The following CKLF variants were observed in gnomAD, a reference collection of about 807,000 sequenced individuals.
The protein encoded by CKLF is chemokine-like factor.
A neutral mutation model predicts 12.9 loss-of-function variants in CKLF; 16 were observed. That is an observed-to-expected ratio of 1.24 (90% CI 0.84 to 1.88). The LOEUF (loss-of-function observed/expected upper bound fraction) is 1.88. CKLF is among the 40% of genes most tolerant of loss of function. The pLI is 0.00. For missense variants in CKLF, 172 were observed against 188.5 expected (o/e 0.91, Z 0.51); for synonymous variants, 61 against 69.0 (o/e 0.88, Z 0.57).
At chr16:66,563,740 C>A (rs753663337) in intron 3 of CKLF, among the ~76,000 whole-genome samples, 1 of 152,144 alleles carries the variant, frequency 6.6e-6, no homozygotes, top group African/African-American at 2.4e-5. Context: ...ATTTTGAACC[C>A]GGCTTGAAGA....
At chr16:66,558,431 T>G in intron 2 of CKLF, 83 bp downstream of exon 2, 1 of 1,520,120 alleles carries the variant, frequency 6.6e-7, no homozygotes, top group Non-Finnish European at 8.8e-7. Flanking sequence ...TTGCTTCTCT[T>G]AAACCTTTAA....
At chr16:66,556,051 T>C (rs997823186) in intron 1 of CKLF, among the ~76,000 whole-genome samples, 2 of 152,102 alleles carry the variant, frequency 1.3e-5, no homozygotes, top group Non-Finnish European at 2.9e-5. Context: ...AATGGCTACT[T>C]GGTGTGAAAT....
intron 3 of CKLF, among the ~76,000 whole-genome samples, chr16:66,564,759 C>T (rs1359999842): frequency 3.3e-5 from 5 of 152,130 alleles, no homozygotes; most frequent in Non-Finnish European, 5.9e-5. Flanking sequence ...CGTGAGCCAC[C>T]GCGCCCGGCC....
chr16:66,563,231 T>C lies in CKLF; in HGVS notation c.333+14T>C. On this transcript the variant is annotated intron_variant, in intron 3 of 3. Transcript: ENST00000264001. ...GTTGGTGGAGGGGTAAGTGGAAGTC[T>C]TTCTGCTTGCTTTCTTCAGGTTTTA... 6.2e-7 allele frequency: 1 copy of C among 1,610,534 alleles called. No homozygotes were observed. Among genetic ancestry groups the C allele is most frequent in the Non-Finnish European group, 8.5e-7 (1 of 1,178,990 alleles).
At chr16:66,564,587 C>T (rs1012607630) in intron 3 of CKLF, among the ~76,000 whole-genome samples, 46 of 152,070 alleles carry the variant, frequency 3.0e-4, no homozygotes, top group Non-Finnish European at 6.3e-4. Context: ...TCTCCTGCCT[C>T]AGCCTCCCAA....
intron 3 of CKLF, among the ~76,000 whole-genome samples, 184 bp downstream of exon 3, chr16:66,563,401 A>G (rs1308252906): frequency 2.0e-5 from 3 of 152,330 alleles, no homozygotes; most frequent in East Asian, 3.9e-4. Flanking sequence ...ATGAAGGAGT[A>G]TGATTTTATA....
At chr16:66,560,184 A>G (rs2011615754) in intron 2 of CKLF, among the ~76,000 whole-genome samples, 1 of 152,162 alleles carries the variant, frequency 6.6e-6, no homozygotes, top group Non-Finnish European at 1.5e-5. Flanking sequence ...GCAGCAGCAT[A>G]TGTGAGGGTC....
At chr16:66,555,098 A>G (rs1455912450) in intron 1 of CKLF, among the ~76,000 whole-genome samples, 2 of 152,102 alleles carry the variant, frequency 1.3e-5, no homozygotes, top group South Asian at 2.1e-4. Flanking sequence ...TTAGCCAGGC[A>G]TGGTGGCGTA....
chr16:66,564,234 T>C (rs531266673), intron 3 of CKLF, among the ~76,000 whole-genome samples: 16 of 152,348 alleles, frequency 1.1e-4, no homozygotes, highest in African/African-American at 2.9e-4. Context: ...AGAGCTGTGC[T>C]ATTCAGTATA....
At chr16:66,553,842 T>C (rs1204571941) in intron 1 of CKLF, among the ~76,000 whole-genome samples, 1 of 151,984 alleles carries the variant, frequency 6.6e-6, no homozygotes, top group Admixed American at 6.6e-5. Context: ...TTAAGGTGAG[T>C]GGGTTGAACA....
downstream of CKLF, chr16:66,566,204 G>A: frequency 6.6e-7 from 1 of 1,510,138 alleles, no homozygotes; most frequent in Non-Finnish European, 8.8e-7. This position sits in a 1 kb window ranked among gnomAD's most constrained non-coding sequence, Gnocchi z 4.9. Flanking sequence ...CCGGCACCCG[G>A]GCCTGGGTGG....
chr16:66,565,673 T>C (rs2144568639), intron 3 of CKLF: 2 of 565,502 alleles, frequency 3.5e-6, no homozygotes, highest in East Asian at 5.7e-5. Flanking sequence ...TAAATTATCT[T>C]TTCTCTTTCT....
intron 2 of CKLF, among the ~76,000 whole-genome samples, chr16:66,561,261 TC>T (rs994927987): frequency 1.3e-5 from 2 of 150,250 alleles, no homozygotes; most frequent in African/African-American, 2.5e-5. Context: ...CTCTGATTGT[TC>T]CCCCCCGAGA....
chr16:66,563,353 C>A, intron 3 of CKLF, 136 bp downstream of exon 3: 1 of 1,028,650 alleles, frequency 9.7e-7, no homozygotes, highest in Non-Finnish European at 1.4e-6. Flanking sequence ...TGCCTAGTGG[C>A]TTAATATTTT....
At chr16:66,566,143 A>G (rs2012284414), downstream of CKLF, 1 of 1,601,006 alleles carries the variant, frequency 6.2e-7, no homozygotes, top group African/African-American at 1.3e-5. This position sits in a 1 kb window ranked among gnomAD's most constrained non-coding sequence, Gnocchi z 4.9. Context: ...CCCCGCGCAG[A>G]GCACTACTGT....
chr16:66,552,889 C>G (rs1965861857), intron 1 of CKLF, 96 bp downstream of exon 1: 1 of 1,569,918 alleles, frequency 6.4e-7, no homozygotes, highest in African/African-American at 1.4e-5. Flanking sequence ...GTTTGCTTTT[C>G]AACCTCGCTT....
chr16:66,566,186 C>G (rs943300778), downstream of CKLF: 13 of 1,532,668 alleles, frequency 8.5e-6, no homozygotes, highest in African/African-American at 1.8e-4. The surrounding 1 kb of genome is among the most constrained non-coding windows in gnomAD (Gnocchi z 4.9). Context: ...GCAGCGGGAT[C>G]GGGTTTTCCG....
Position 66,552,657 on chromosome 16 carries a change from C to T in CKLF, c.-59C>T, listed in dbSNP as rs1965849571. On this transcript the variant is annotated 5_prime_UTR_variant, in exon 1 of 4. Coordinates refer to ENST00000264001, the MANE Select transcript of CKLF (RefSeq NM_016951.4). ...GGTTGCTATCGCTTCGCAGAACCTA[C>T]TCAGGCAGCCAGCTGAGAAGAGTTG... 1 of 1,613,072 alleles carries T rather than the reference C, an allele frequency of 6.2e-7. No individual in the cohort carries two copies.
intron 2 of CKLF, among the ~76,000 whole-genome samples, chr16:66,559,037 C>A (rs894920007): frequency 1.3e-5 from 2 of 152,282 alleles, no homozygotes; most frequent in Non-Finnish European, 2.9e-5. Flanking sequence ...AACTGAGTGA[C>A]TTCTCCTCTG....
Sources: allele counts gnomAD v4.1 joint callset (sites outside exome capture counted in the v4.1 genomes callset), GRCh38; gene constraint gnomAD v4.1.1; non-coding constraint Gnocchi (gnomAD v3.1); transcripts MANE v1.5; gene names NCBI Gene and HGNC (gene_info 2026-07-23, HGNC 2026-07-21).